Variants in ZNF385D observed in about 807,000 individuals in gnomAD.
ZNF385D encodes zinc finger protein 385D.
ZNF385D carries 15 observed loss-of-function variants against 35.8 expected under a neutral mutation model. That is an observed-to-expected ratio of 0.42 (90% CI 0.28 to 0.64). The LOEUF is 0.64. Among genes scored for constraint, ZNF385D ranks in the 30% least tolerant of loss-of-function variants. The pLI, the probability that ZNF385D is intolerant of heterozygous loss-of-function variation, is 0.23. For synonymous variants in ZNF385D, 212 were observed against 186.8 expected, an observed-to-expected ratio of 1.13 and a Z score of -1.10; for missense variants, 474 against 494.6, an observed-to-expected ratio of 0.96 and a Z score of 0.39.
chr3:22,347,709 G>C (rs919655384), intron 2 of ZNF385D, among the ~76,000 whole-genome samples: 7 of 151,964 alleles, frequency 4.6e-5, no homozygotes, highest in African/African-American at 1.7e-4. Context: ...TAACAATAGA[G>C]GATTACACAA....
intron 3 of ZNF385D, among the ~76,000 whole-genome samples, chr3:22,131,967 T>C (rs953161510): frequency 6.6e-6 from 1 of 152,136 alleles, no homozygotes; most frequent in Non-Finnish European, 1.5e-5. Context: ...TGAACAAACA[T>C]ATTAAGTATG....
chr3:22,152,626 T>A (rs910606524), intron 3 of ZNF385D, among the ~76,000 whole-genome samples: 1 of 152,212 alleles, frequency 6.6e-6, no homozygotes, highest in African/African-American at 2.4e-5. Flanking sequence ...CACAGTAACA[T>A]CTCCTTTCTC....
At chr3:22,042,049 G>C (rs1559327069) in intron 3 of ZNF385D, among the ~76,000 whole-genome samples, 1 of 152,156 alleles carries the variant, frequency 6.6e-6, no homozygotes, top group African/African-American at 2.4e-5. Flanking sequence ...GTGTTAATTA[G>C]CGGGTAGGTA....
Position 21,834,830 on chromosome 3 carries a change from C to A in ZNF385D, c.326-169802G>T, listed in dbSNP as rs6550627. On this transcript the variant is annotated intron_variant, in intron 3 of 5. Coordinates refer to the ZNF385D transcript ENST00000494108. ...GATAGTGAGTGAGTTCTCACGACATCTGGTGGTTTAAAAGTGTGGTACTTC... is the reference window on the plus strand; with the variant it reads ...GATAGTGAGTGAGTTCTCACGACATATGGTGGTTTAAAAGTGTGGTACTTC... 2.6e-3 allele frequency among the ~76,000 whole-genome samples: 399 copies of A among 152,158 alleles called. 1 individual carries two copies. The highest frequency in any genetic ancestry group is 9.1e-3 in the African/African-American group (377 of 41,520).
At chr3:22,096,114 A>G (rs903668855) in intron 3 of ZNF385D, among the ~76,000 whole-genome samples, 3 of 147,712 alleles carry the variant, frequency 2.0e-5, no homozygotes, top group South Asian at 4.5e-4. Context: ...GAATGTTCAT[A>G]TAAGGTAAAA....
intron 3 of ZNF385D, among the ~76,000 whole-genome samples, chr3:21,847,384 AAAT>A (rs149537801): frequency 0.038 from 5,820 of 152,172 alleles, 382 homozygotes; most frequent in African/African-American, 0.13. Context: ...CAAAAAATTA[AAAT>A]AAGAAATATA....
intron 3 of ZNF385D, among the ~76,000 whole-genome samples, chr3:22,094,502 T>C (rs961440541): frequency 2.1e-4 from 30 of 141,810 alleles, no homozygotes; most frequent in African/African-American, 7.5e-4. Flanking sequence ...TCCCATGAAA[T>C]AGAAAAGAAA....
Position 22,201,953 on chromosome 3 carries a change from A to G in ZNF385D, c.107-32918T>C, listed in dbSNP as rs182233601. On this transcript the variant is annotated intron_variant, in intron 2 of 5. Transcript: ENST00000494108. ...AGCAAAATAAAGATCAACAAGAAAA[A>G]ATTGAGTGTGTTAGATAAAATGACA... 5.3e-5 allele frequency among the ~76,000 whole-genome samples: 8 copies of G among 152,108 alleles called. No individual in the cohort carries two copies. The East Asian group carries it at 1.5e-3, about 29-fold the overall frequency.
At chr3:21,685,317 T>A (rs901256972) in intron 1 of ZNF385D, among the ~76,000 whole-genome samples, 10 of 152,300 alleles carry the variant, frequency 6.6e-5, no homozygotes, top group African/African-American at 2.4e-4. Context: ...GTGACAAGAA[T>A]TCAACCTATG....
chr3:21,713,834 A>G (rs987015926), intron 1 of ZNF385D, among the ~76,000 whole-genome samples: 3 of 152,168 alleles, frequency 2.0e-5, no homozygotes, highest in Admixed American at 1.3e-4. Flanking sequence ...TCAGTTTCAA[A>G]CATCCTATTC....
chr3:21,619,985 C>T (rs1288667100), intron 2 of ZNF385D, among the ~76,000 whole-genome samples: 1 of 152,102 alleles, frequency 6.6e-6, no homozygotes, highest in Non-Finnish European at 1.5e-5. Context: ...TGACACAGCC[C>T]TCTGTTCTGG....
At chr3:22,075,226 C>T (rs1036227785) in intron 3 of ZNF385D, among the ~76,000 whole-genome samples, 2 of 151,768 alleles carry the variant, frequency 1.3e-5, no homozygotes, top group African/African-American at 2.4e-5. Flanking sequence ...ATCTCATTCC[C>T]ACCAGTAGAT....
intron 1 of ZNF385D, among the ~76,000 whole-genome samples, chr3:21,682,390 G>A (rs1239501625): frequency 1.3e-5 from 2 of 150,162 alleles, no homozygotes; most frequent in African/African-American, 4.9e-5. Flanking sequence ...ATGTTTTTGT[G>A]AAGAGAAGAG....
chr3:22,161,739 CAGTT>C (rs1186421194), intron 3 of ZNF385D, among the ~76,000 whole-genome samples: 2 of 152,110 alleles, frequency 1.3e-5, no homozygotes, highest in East Asian at 1.9e-4. Flanking sequence ...ATATTCTCAG[CAGTT>C]AGAGTTGTTG....
chr3:21,670,423 T>C (rs986368535), intron 1 of ZNF385D, among the ~76,000 whole-genome samples: 1 of 151,836 alleles, frequency 6.6e-6, no homozygotes, highest in African/African-American at 2.4e-5. Flanking sequence ...TCCTAAGTAG[T>C]TATTTAATAA....
At chr3:21,806,659 C>T (rs574972303) in intron 3 of ZNF385D, among the ~76,000 whole-genome samples, 2 of 152,178 alleles carry the variant, frequency 1.3e-5, no homozygotes, top group East Asian at 1.9e-4. Context: ...GTTGCCAGTA[C>T]AAGAAAACAT....
chr3:22,312,573 C>A (rs1234853063), intron 2 of ZNF385D, among the ~76,000 whole-genome samples: 1 of 151,924 alleles, frequency 6.6e-6, no homozygotes, highest in East Asian at 1.9e-4. Context: ...ACAAATAACC[C>A]CATCAAAAAG....
intron 2 of ZNF385D, among the ~76,000 whole-genome samples, chr3:22,169,313 G>A (rs1453292467): frequency 6.6e-6 from 1 of 152,090 alleles, no homozygotes; most frequent in Admixed American, 6.5e-5. Flanking sequence ...AAGCACTATA[G>A]TATTCCCTTT....
intron 2 of ZNF385D, among the ~76,000 whole-genome samples, chr3:22,365,768 C>T (rs1696630419): frequency 6.6e-6 from 1 of 152,040 alleles, no homozygotes; most frequent in South Asian, 2.1e-4. Context: ...GGTCTTTCCT[C>T]CCTGTAGAAC....
Sources: gnomAD v4.1 joint callset for allele counts (sites outside exome capture counted in the v4.1 genomes callset) on GRCh38, gnomAD v4.1.1 for gene constraint, MANE v1.5 for transcripts, NCBI Gene and HGNC (gene_info 2026-07-23, HGNC 2026-07-21) for gene names.